KCNH8: variants seen among roughly 807,000 people sequenced by gnomAD.
KCNH8 encodes the protein potassium voltage-gated channel subfamily H member 8.
In KCNH8, 70 loss-of-function variants were observed where a neutral mutation model predicts 103.6. The observed-to-expected ratio is 0.68, with a 90% CI of 0.56 to 0.82. The LOEUF is 0.82. Ranked by LOEUF, KCNH8 falls within the 40% of genes least tolerant of loss-of-function variation. KCNH8 has a pLI of 0.00. For missense variants in KCNH8, 1,217 were observed against 1,329.9 expected (o/e 0.92, Z 1.32); for synonymous variants, 498 against 489.4 (o/e 1.02, Z -0.23).
intron 1 of KCNH8, among the ~76,000 whole-genome samples, chr3:19,241,324 G>A (rs747425382): frequency 1.3e-5 from 2 of 152,120 alleles, no homozygotes; most frequent in Admixed American, 6.5e-5. Flanking sequence ...GAGATCATAC[G>A]ATTCAACTAC....
At chr3:19,388,648 A>G (rs1034047685) in intron 5 of KCNH8, among the ~76,000 whole-genome samples, 3 of 152,138 alleles carry the variant, frequency 2.0e-5, no homozygotes, top group African/African-American at 4.8e-5. Context: ...ATCACTTTCA[A>G]TAATTCAGTT....
Position 19,451,388 on chromosome 3 carries a change from G to A in KCNH8, c.1809G>A (p.Met603Ile). Residue 603 changes from methionine to isoleucine, a missense_variant, in exon 10 of 16, where the codon ATG becomes ATA. By Grantham distance (10) the Met-to-Ile change is conservative. Around this residue, in one of 3 missense-constraint regions of KCNH8, gnomAD observed 415 missense variants for 577.4 expected, o/e 0.72. Coordinates refer to ENST00000328405, the MANE Select transcript of KCNH8 (RefSeq NM_144633.3). Reference protein sequence around the residue: ...SGSMEVLKDSMVLAILGKGDL... With the variant: ...SGSMEVLKDSIVLAILGKGDL... ...CCATGGAAGTTCTTAAAGACAGCAT[G>A]GTGCTGGCTATTCTTGGTAGGTCTG... The A allele has an allele frequency of 6.2e-7, 1 of 1,613,628 alleles. No homozygotes were observed. Among genetic ancestry groups the A allele is most frequent in the Non-Finnish European group, 8.5e-7 (1 of 1,179,756 alleles).
At chr3:19,404,759 CTAAT>C (rs531423858) in intron 7 of KCNH8, among the ~76,000 whole-genome samples, 120 of 151,792 alleles carry the variant, frequency 7.9e-4, no homozygotes, top group Non-Finnish European at 1.3e-3. Flanking sequence ...TGGATCTATC[CTAAT>C]TAATTAATTA....
At position 19,198,385 on chromosome 3, in the gene KCNH8, G is replaced by A. The variant is rs369546464; in HGVS notation, c.76+49590G>A. 1.4e-4 allele frequency among the ~76,000 whole-genome samples: 21 copies of A among 152,120 alleles called. 1 individual carries two copies. The highest frequency in any genetic ancestry group is 5.9e-4 in the Admixed American group (9 of 15,250). ...ACCAAGCAAGTAGAGCAAACAAGGCGGAACCAACATTGCAGTGCAAGACAA... is the reference window on the plus strand; with the variant it reads ...ACCAAGCAAGTAGAGCAAACAAGGCAGAACCAACATTGCAGTGCAAGACAA... On this transcript the variant is annotated intron_variant, in intron 1 of 15. Coordinates refer to ENST00000328405, the MANE Select transcript of KCNH8 (RefSeq NM_144633.3).
chr3:19,347,928 C>A lies in KCNH8; in HGVS notation c.774C>A (p.Thr258=). Residue 258 remains threonine (T), a synonymous_variant, in exon 5 of 16, where the codon ACC becomes ACA. Transcript: ENST00000328405. ...ACCTGTCCACAACTCGGAGCACAAC[C>A]GTCAGTGACATTGCAGTGGAGATTC... ...NDDLSTTRST[T]VSDIAVEILF... is the part of the protein sequence containing the mutation. The A allele has an allele frequency of 6.2e-7, 1 of 1,613,114 alleles. No individual in the cohort carries two copies. Among genetic ancestry groups the A allele is most frequent in the Non-Finnish European group, 8.5e-7 (1 of 1,179,332 alleles).
intron 6 of KCNH8, among the ~76,000 whole-genome samples, chr3:19,394,857 A>G (rs2066491045): frequency 6.6e-6 from 1 of 152,072 alleles, no homozygotes; most frequent in Non-Finnish European, 1.5e-5. Flanking sequence ...TGAAAAAAAG[A>G]TAACCCCTAA....
Position 19,533,421 on chromosome 3 carries a change from T to C in KCNH8, c.2646T>C (p.Ser882=). 1 of 1,614,058 alleles carries C rather than the reference T, an allele frequency of 6.2e-7. No homozygotes were observed. Among genetic ancestry groups the C allele is most frequent in the Non-Finnish European group, 8.5e-7 (1 of 1,179,930 alleles). The part of the protein sequence containing the change: ...SEVTTLTQEV[S]QLGKDMRNVI... The stretch of plus-strand genomic sequence containing the variant: ...TAACAACATTGACTCAGGAAGTTTC[T>C]CAGTTGGGTAAAGACATGAGAAATG... The change falls in exon 16 of 16, where the codon TCT becomes TCC. Residue 882 remains serine (S), a synonymous_variant. Coordinates refer to ENST00000328405, the MANE Select transcript of KCNH8 (RefSeq NM_144633.3).
chr3:19,479,587 C>T (rs369218226), intron 11 of KCNH8, among the ~76,000 whole-genome samples: 2 of 152,256 alleles, frequency 1.3e-5, no homozygotes. Context: ...TTTCCATTTA[C>T]TGTTCCCATT....
intron 11 of KCNH8, among the ~76,000 whole-genome samples, chr3:19,472,534 G>T (rs1559343972): frequency 6.6e-6 from 1 of 152,112 alleles, no homozygotes; most frequent in Non-Finnish European, 1.5e-5. Flanking sequence ...ATCCATGTAA[G>T]ATGTGACTTG....
chr3:19,476,038 T>C (rs1244372530), intron 11 of KCNH8, among the ~76,000 whole-genome samples: 2 of 152,214 alleles, frequency 1.3e-5, no homozygotes, highest in Non-Finnish European at 2.9e-5. Context: ...GACTATTTGG[T>C]AAAAGTGCTA....
In KCNH8 at chr3:19,413,133, C is replaced by T. The variant is rs138184584; in HGVS notation, c.1177+17822C>T. 4.8e-3 allele frequency among the ~76,000 whole-genome samples: 531 copies of T among 109,976 alleles called. 1 individual carries two copies. The highest frequency in any genetic ancestry group is 0.018 in the African/African-American group (493 of 26,722). 72.1% of individuals were successfully genotyped at this position (109,976 alleles called of 152,430 possible). On this transcript the variant is annotated intron_variant, in intron 7 of 15. Coordinates refer to ENST00000328405, the MANE Select transcript of KCNH8 (RefSeq NM_144633.3). ...TAGATTCAATATGGGTGCCTATCAGCGGTGGATTGGATAAAGAAAATGTAG... is the reference window on the plus strand; with the variant it reads ...TAGATTCAATATGGGTGCCTATCAGTGGTGGATTGGATAAAGAAAATGTAG...
chr3:19,215,396 A>T (rs1179449450), intron 1 of KCNH8, among the ~76,000 whole-genome samples: 2 of 152,206 alleles, frequency 1.3e-5, no homozygotes, highest in Non-Finnish European at 2.9e-5. Flanking sequence ...TGGGAGAACC[A>T]TGAGGACCTA....
At chr3:19,194,336 C>CAAATA (rs1193013539) in intron 1 of KCNH8, among the ~76,000 whole-genome samples, 1 of 151,628 alleles carries the variant, frequency 6.6e-6, no homozygotes, top group Non-Finnish European at 1.5e-5. Flanking sequence ...TTTATTTGAG[C>CAAATA]AAGTGTTAGT....
rs191376709 is a variant in KCNH8, at chr3:19,337,515, A to G, written c.443-5072A>G. On this transcript the variant is annotated intron_variant, in intron 3 of 15. Transcript: ENST00000328405. The stretch of plus-strand genomic sequence containing the variant: ...TCTTGTATTTTACTCATTTACCTTC[A>G]TTGACCTGATGGCAATTGAAATCTT... Among the ~76,000 whole-genome samples, 6 of 152,112 alleles carry G rather than the reference A, an allele frequency of 3.9e-5. No homozygotes were observed. The East Asian group carries it at 7.8e-4, about 20-fold the overall frequency.
At chr3:19,461,345 A>G (rs2067624274) in intron 11 of KCNH8, among the ~76,000 whole-genome samples, 1 of 152,104 alleles carries the variant, frequency 6.6e-6, no homozygotes, top group Non-Finnish European at 1.5e-5. Context: ...ATAAGTTTGT[A>G]CCTAGGGGAA....
chr3:19,218,851 T>C (rs1344885770), intron 1 of KCNH8, among the ~76,000 whole-genome samples: 3 of 152,180 alleles, frequency 2.0e-5, no homozygotes, highest in South Asian at 4.1e-4. Context: ...TTTGTGAGTA[T>C]GTCTATCTCT....
intron 1 of KCNH8, among the ~76,000 whole-genome samples, chr3:19,183,854 A>G (rs1481646357): frequency 6.6e-6 from 1 of 152,188 alleles, no homozygotes; most frequent in Non-Finnish European, 1.5e-5. Flanking sequence ...GCTGAACCTG[A>G]TTAGCAAACA....
chr3:19,152,793 G>A (rs570654923), intron 1 of KCNH8, among the ~76,000 whole-genome samples: 2 of 152,144 alleles, frequency 1.3e-5, no homozygotes, highest in Non-Finnish European at 2.9e-5. Flanking sequence ...AAAATTAGCC[G>A]GGTGTGGCGG....
At chr3:19,392,318 C>CAAAAAAAAAAAAAA (rs10662694) in intron 6 of KCNH8, among the ~76,000 whole-genome samples, 1 of 125,434 alleles carries the variant, frequency 8.0e-6, no homozygotes, top group Admixed American at 8.4e-5. Flanking sequence ...ACATCTGTGT[C>CAAAAAAAAAAAAAA]AAAAAAAAAA....
Sources: gnomAD v4.1 joint callset for allele counts (sites outside exome capture counted in the v4.1 genomes callset) on GRCh38, gnomAD v4.1.1 for gene constraint, gnomAD v4.1.1 regional missense constraint, MANE v1.5 for transcripts, NCBI Gene and HGNC (gene_info 2026-07-23, HGNC 2026-07-21) for gene names.